The following RARB variants were observed in gnomAD, a reference collection of about 807,000 sequenced individuals.
RARB encodes retinoic acid receptor beta, also known as HBV-activated protein.
Under a neutral mutation model 51.9 loss-of-function variants are expected in RARB, and 17 were observed. That is an observed-to-expected ratio of 0.33 (90% confidence interval 0.22 to 0.49). The LOEUF (loss-of-function observed/expected upper bound fraction) is 0.49, where lower values mean the gene tolerates loss of function less well. RARB is among the 20% of genes least tolerant of loss of function. RARB has a pLI of 0.99. For missense variants in RARB, 369 were observed against 550.8 expected, an observed-to-expected ratio of 0.67 and a Z score of 3.30; for synonymous variants, 215 against 195.4, an observed-to-expected ratio of 1.10 and a Z score of -0.84.
chr3:24,888,560 G>C (rs893498139), intron 2 of RARB, among the ~76,000 whole-genome samples: 1 of 151,956 alleles, frequency 6.6e-6, no homozygotes, highest in Non-Finnish European at 1.5e-5. Context: ...CTAGTAATGT[G>C]ATATTTAACA....
At chr3:24,983,153 A>G (rs1454502276) in intron 2 of RARB, among the ~76,000 whole-genome samples, 1 of 152,196 alleles carries the variant, frequency 6.6e-6, no homozygotes, top group Non-Finnish European at 1.5e-5. Context: ...GCTAGTGAGC[A>G]TTTGTAGCTG....
At chr3:25,449,166 G>T (rs1346388711) in intron 1 of RARB, among the ~76,000 whole-genome samples, 3 of 152,106 alleles carry the variant, frequency 2.0e-5, no homozygotes, top group African/African-American at 7.2e-5. Context: ...TTTGGCCTGA[G>T]TGACTGCTCC....
intron 5 of RARB, among the ~76,000 whole-genome samples, chr3:25,279,579 T>TA (rs112935948): frequency 0.017 from 2,493 of 142,866 alleles, 70 homozygotes; most frequent in African/African-American, 0.056. Flanking sequence ...ACTGATCTAT[T>TA]AAAAAAAAAA....
At chr3:24,921,997 C>A (rs138961394) in intron 2 of RARB, among the ~76,000 whole-genome samples, 1 of 152,260 alleles carries the variant, frequency 6.6e-6, no homozygotes, top group East Asian at 1.9e-4. Context: ...GTCCTAGGGC[C>A]AAGGATGCAG....
At chr3:25,438,095 T>C (rs1708507904) in intron 1 of RARB, among the ~76,000 whole-genome samples, 1 of 152,106 alleles carries the variant, frequency 6.6e-6, no homozygotes, top group South Asian at 2.1e-4. Flanking sequence ...ATCCAAAAAG[T>C]CTCACTCTCA....
chr3:25,014,293 G>T (rs1697461713), intron 2 of RARB, among the ~76,000 whole-genome samples: 2 of 152,010 alleles, frequency 1.3e-5, no homozygotes, highest in African/African-American at 4.8e-5. Context: ...CTGGGTTCAT[G>T]TTGTGCCAGT....
intron 1 of RARB, among the ~76,000 whole-genome samples, chr3:25,448,592 C>T (rs149282957): frequency 5.3e-5 from 8 of 152,182 alleles, no homozygotes; most frequent in East Asian, 1.9e-4. Context: ...CTCAGCCTCC[C>T]GAGTAGCTGG....
chr3:25,512,275 C>T (rs1016113540), intron 3 of RARB, among the ~76,000 whole-genome samples: 1 of 152,184 alleles, frequency 6.6e-6, no homozygotes, highest in Non-Finnish European at 1.5e-5. Flanking sequence ...AGCTAATGCT[C>T]CTTCCGACCC....
At chr3:25,405,145 C>G (rs563377396) in intron 5 of RARB, among the ~76,000 whole-genome samples, 11 of 152,214 alleles carry the variant, frequency 7.2e-5, no homozygotes, top group Admixed American at 4.6e-4. Flanking sequence ...CCCCAGAGAC[C>G]GGAGCAGAGG....
chr3:25,138,117 C>T (rs75332644), intron 4 of RARB, among the ~76,000 whole-genome samples: 13,296 of 152,084 alleles, frequency 0.087, 738 homozygotes, highest in Non-Finnish European at 0.13. Context: ...CTGAGAATTT[C>T]GGTCTTCAGG....
At chr3:24,934,542 C>A (rs1240197991) in intron 2 of RARB, among the ~76,000 whole-genome samples, 1 of 152,084 alleles carries the variant, frequency 6.6e-6, no homozygotes, top group Non-Finnish European at 1.5e-5. Flanking sequence ...CCCAAAATCT[C>A]ATACCTGTTG....
chr3:25,355,254 GC>G (rs1705698728), intron 5 of RARB, among the ~76,000 whole-genome samples: 1 of 152,056 alleles, frequency 6.6e-6, no homozygotes, highest in African/African-American at 2.4e-5. Context: ...AAGCCTGATT[GC>G]CACCATCGGG....
intron 2 of RARB, among the ~76,000 whole-genome samples, chr3:24,998,173 A>C (rs1697082329): frequency 6.6e-6 from 1 of 151,934 alleles, no homozygotes; most frequent in Admixed American, 6.6e-5. Flanking sequence ...AATTATGAAC[A>C]TGGACTCTAT....
chr3:25,535,833 A>G lies in RARB; in HGVS notation c.449-33925A>G, dbSNP rs567065093. 2.6e-5 allele frequency among the ~76,000 whole-genome samples: 4 copies of G among 152,290 alleles called. No individual in the cohort carries two copies. In the South Asian group the frequency reaches 8.3e-4, roughly 32 times the overall value. On this transcript the variant is annotated intron_variant, in intron 3 of 7. Transcript: ENST00000330688. ...ATGGAATGAATACAGATGGTTCCTG[A>G]CTTAGGAGGTTGGACTTGGAATTTT...
chr3:25,216,556 G>A (rs1414767914), intron 5 of RARB, among the ~76,000 whole-genome samples: 3 of 151,792 alleles, frequency 2.0e-5, no homozygotes, highest in African/African-American at 2.4e-5. Context: ...AGACACAAAG[G>A]GGAACAACAC....
intron 3 of RARB, among the ~76,000 whole-genome samples, chr3:25,554,242 C>CAA: frequency 6.7e-6 from 1 of 149,438 alleles, no homozygotes; most frequent in African/African-American, 2.5e-5. Context: ...TGAAATAAAA[C>CAA]AAAAAAACAT....
chr3:25,169,382 C>T (rs1276029119), intron 4 of RARB, among the ~76,000 whole-genome samples: 1 of 152,160 alleles, frequency 6.6e-6, no homozygotes. Flanking sequence ...TCATTTATCA[C>T]ATGACATGCC....
At chr3:24,845,928 A>G (rs558580223) in intron 1 of RARB, among the ~76,000 whole-genome samples, 2 of 152,150 alleles carry the variant, frequency 1.3e-5, no homozygotes, top group Non-Finnish European at 2.9e-5. Context: ...CTGTGCTTTT[A>G]CGGTTTACAC....
At chr3:25,189,391 A>G (rs183066141) in intron 5 of RARB, among the ~76,000 whole-genome samples, 17 of 152,146 alleles carry the variant, frequency 1.1e-4, no homozygotes, top group African/African-American at 4.1e-4. Flanking sequence ...TTGAGAAACC[A>G]TGAATCTGAA....
Sources: allele counts gnomAD v4.1 joint callset (sites outside exome capture counted in the v4.1 genomes callset), GRCh38; gene constraint gnomAD v4.1.1; transcripts MANE v1.5; gene names NCBI Gene and HGNC (gene_info 2026-07-23, HGNC 2026-07-21).